VASP: variants seen among roughly 807,000 people sequenced by gnomAD.
VASP encodes the protein vasodilator stimulated phosphoprotein.
A neutral mutation model predicts 54.4 loss-of-function variants in VASP; 27 were observed. That is an observed-to-expected ratio of 0.50 (90% CI 0.37 to 0.68). The LOEUF is 0.68. VASP is among the 30% of genes least tolerant of loss of function. VASP has a pLI of 0.00. For missense variants in VASP, 488 were observed against 528.3 expected (o/e 0.92, Z 0.75); for synonymous variants, 233 against 209.8 (o/e 1.11, Z -0.96).
At position 45,524,193 on chromosome 19, in the gene VASP, T is replaced by A. The variant is rs369427668; in HGVS notation, c.956+51T>A. 2.9e-5 allele frequency: 46 copies of A among 1,608,382 alleles called. No homozygotes were observed. In the African/African-American group the frequency reaches 5.1e-4, roughly 18 times the overall value. Reference sequence around the variant, plus strand: ...GGGGAGGTAAAGGCGGGCAGATCGCTTGAGCCCAGGAGGTCAAGACCAGCC... The same window carrying A: ...GGGGAGGTAAAGGCGGGCAGATCGCATGAGCCCAGGAGGTCAAGACCAGCC... On this transcript the variant is annotated intron_variant, in intron 10 of 12. Coordinates refer to ENST00000245932, the MANE Select transcript of VASP (RefSeq NM_003370.4).
At chr19:45,514,896 C>CA (rs1447436954) in intron 1 of VASP, among the ~76,000 whole-genome samples, 1 of 152,238 alleles carries the variant, frequency 6.6e-6, no homozygotes, top group African/African-American at 2.4e-5. Flanking sequence ...TTCACATCTT[C>CA]ACTCTATTCC....
intron 7 of VASP, 125 bp from the exon 8 acceptor site, chr19:45,523,519 T>C (rs1968890935): frequency 1.8e-6 from 2 of 1,104,416 alleles, no homozygotes; most frequent in Admixed American, 2.6e-5. Context: ...TTTCTAAAAC[T>C]AGAGTTTCCT....
At chr19:45,509,497 T>C (rs1269210539) in intron 1 of VASP, among the ~76,000 whole-genome samples, 1 of 147,954 alleles carries the variant, frequency 6.8e-6, no homozygotes, top group Non-Finnish European at 1.5e-5. Context: ...GAGCGGTGTC[T>C]GGGCCGGCCC....
intron 1 of VASP, among the ~76,000 whole-genome samples, chr19:45,510,932 C>CAAAAA (rs750711575): frequency 9.2e-6 from 1 of 108,978 alleles, no homozygotes; most frequent in Non-Finnish European, 2.0e-5. Flanking sequence ...GACCCTGTCT[C>CAAAAA]AAAAAAAAAA....
chr19:45,507,610 C>G lies in VASP; in HGVS notation c.-162C>G. The G allele has an allele frequency of 2.3e-6, 2 of 867,870 alleles. No individual in the cohort carries two copies. Among genetic ancestry groups the G allele is most frequent in the Non-Finnish European group, 3.3e-6 (2 of 599,526 alleles). 53.8% of individuals were successfully genotyped at this position (867,870 alleles called of 1,614,324 possible). ...GGGAAGCGGCGCCCGGAGACCCGCC[C>G]CGGCCCGGTCCACATTCTCCCCAGG... On this transcript the variant is annotated 5_prime_UTR_variant, in exon 1 of 13. Transcript: ENST00000245932. This position sits in a 1 kb window ranked among gnomAD's most constrained non-coding sequence, Gnocchi z 4.4.
rs575987382 is a variant in VASP at position 45,521,452 on chromosome 19, C to G, written c.428+46C>G. 271 of 1,458,982 alleles carry G rather than the reference C, an allele frequency of 1.9e-4. 3 individuals carry two copies. The South Asian group carries it at 3.4e-3, about 18-fold the overall frequency. 90.4% of individuals were successfully genotyped at this position (1,458,982 alleles called of 1,614,324 possible). A position where few individuals can be genotyped will look rare whatever the true frequency, so the allele number is the denominator to read the frequency against. ...GGGAACCTTAGCCGCTGCCAGAGTT[C>G]CATATGTTCTGGAACCCTTGACTCC... On this transcript the variant is annotated intron_variant, in intron 4 of 12. Coordinates refer to ENST00000245932, the MANE Select transcript of VASP (RefSeq NM_003370.4).
At chr19:45,514,979 T>C (rs1207896417) in intron 1 of VASP, among the ~76,000 whole-genome samples, 1 of 152,152 alleles carries the variant, frequency 6.6e-6, no homozygotes, top group African/African-American at 2.4e-5. Context: ...AAAATTAGAA[T>C]GAGTGGCTCT....
intron 1 of VASP, among the ~76,000 whole-genome samples, chr19:45,510,098 G>A (rs914228507): frequency 5.3e-5 from 8 of 152,200 alleles, no homozygotes; most frequent in Middle Eastern, 3.4e-3. Context: ...GAGAACTGGG[G>A]TCCATTTCTT....
chr19:45,514,134 G>A (rs1183843466), intron 1 of VASP, among the ~76,000 whole-genome samples: 2 of 152,164 alleles, frequency 1.3e-5, no homozygotes, highest in African/African-American at 2.4e-5. Context: ...TGAAAGTGGG[G>A]AGAGGCTAGG....
chr19:45,512,295 GT>G (rs534325123), intron 1 of VASP, among the ~76,000 whole-genome samples: 22 of 143,514 alleles, frequency 1.5e-4, no homozygotes, highest in East Asian at 2.1e-4. Flanking sequence ...GCTCCTCACT[GT>G]TTTTTTTTTT....
At chr19:45,513,207 A>C (rs2122292176) in intron 1 of VASP, among the ~76,000 whole-genome samples, 1 of 152,082 alleles carries the variant, frequency 6.6e-6, no homozygotes, top group Middle Eastern at 3.4e-3. Flanking sequence ...CTGACTGAGA[A>C]ATGTTAGGTG....
At position 45,509,321 on chromosome 19, in the gene VASP, C is replaced by G. The variant is rs191032557; in HGVS notation, c.5+1545C>G. Reference sequence around the variant, plus strand: ...CCTGGAGAGGGGTCAGTTTAGGGAGCGTCGCTCTCTTCCTTCGCCCTCTTC... The same window carrying G: ...CCTGGAGAGGGGTCAGTTTAGGGAGGGTCGCTCTCTTCCTTCGCCCTCTTC... On this transcript the variant is annotated intron_variant, in intron 1 of 12. Transcript: ENST00000245932. Among the ~76,000 whole-genome samples the G allele has an allele frequency of 3.9e-5, 6 of 152,276 alleles. No individual in the cohort carries two copies. The East Asian group carries it at 1.2e-3, about 29-fold the overall frequency.
At chr19:45,514,902 A>G (rs1968672469) in intron 1 of VASP, among the ~76,000 whole-genome samples, 2 of 152,080 alleles carry the variant, frequency 1.3e-5, no homozygotes, top group Non-Finnish European at 2.9e-5. Context: ...TCTTCACTCT[A>G]TTCCTCAGTA....
intron 1 of VASP, among the ~76,000 whole-genome samples, chr19:45,517,097 A>G (rs1968719402): frequency 6.6e-6 from 1 of 150,644 alleles, no homozygotes; most frequent in Non-Finnish European, 1.5e-5. Flanking sequence ...GGTCGAGGCC[A>G]CATTCCAACC....
chr19:45,523,723 A>ATC (rs749830144), intron 8 of VASP, 28 bp downstream of exon 8: 1 of 1,613,728 alleles, frequency 6.2e-7, no homozygotes, highest in African/African-American at 1.3e-5. Context: ...CTTGCCCTAC[A>ATC]TCTCTTAGGC....
At position 45,526,466 on chromosome 19, in the gene VASP, G is replaced by T; in HGVS notation, c.*289G>T. ...GGGGATGCACCAATGAACCCCACAGGAAGGGGGAAGGAAGGAGGGAATTTC... is the reference window on the plus strand; with the variant it reads ...GGGGATGCACCAATGAACCCCACAGTAAGGGGGAAGGAAGGAGGGAATTTC... On this transcript the variant is annotated 3_prime_UTR_variant, in exon 13 of 13. Coordinates refer to ENST00000245932, the MANE Select transcript of VASP (RefSeq NM_003370.4). 1 of 343,560 alleles carries T rather than the reference G, an allele frequency of 2.9e-6. No individual in the cohort carries two copies. The highest frequency in any genetic ancestry group is 5.3e-6 in the Non-Finnish European group (1 of 190,208). The allele number at this position is 343,560 out of a possible 1,614,324, so 21.3% of individuals were successfully genotyped here.
intron 1 of VASP, among the ~76,000 whole-genome samples, chr19:45,515,043 G>T (rs1020009922): frequency 2.0e-5 from 3 of 152,134 alleles, no homozygotes; most frequent in African/African-American, 7.2e-5. Flanking sequence ...GGGGCTTAAG[G>T]CCCCTGATCC....
At chr19:45,515,268 C>A (rs918448927) in intron 1 of VASP, among the ~76,000 whole-genome samples, 2 of 152,140 alleles carry the variant, frequency 1.3e-5, no homozygotes, top group Admixed American at 1.3e-4. Context: ...ACCAACTTCC[C>A]CATTTCAGGA....
chr19:45,518,510 C>T (rs1025103172), intron 3 of VASP, among the ~76,000 whole-genome samples: 2 of 152,060 alleles, frequency 1.3e-5, no homozygotes, highest in South Asian at 2.1e-4. Context: ...TGCAGTGAGC[C>T]GAGATCAGGC....
Sources: gnomAD v4.1 joint callset for allele counts (sites outside exome capture counted in the v4.1 genomes callset) on GRCh38, gnomAD v4.1.1 for gene constraint, Gnocchi (gnomAD v3.1) non-coding constraint, MANE v1.5 for transcripts, NCBI Gene and HGNC (gene_info 2026-07-23, HGNC 2026-07-21) for gene names.